The following TMC5 variants were observed in gnomAD, a reference collection of about 807,000 sequenced individuals.
TMC5 encodes transmembrane channel-like protein 5.
A neutral mutation model predicts 110.5 loss-of-function variants in TMC5; 86 were observed. The observed-to-expected ratio is 0.78, with a 90% confidence interval of 0.65 to 0.93. The LOEUF (loss-of-function observed/expected upper bound fraction) is 0.93. TMC5 is among the 40% of genes least tolerant of loss of function. The pLI, the probability that TMC5 is intolerant of heterozygous loss-of-function variation, is 0.00. For synonymous variants in TMC5, 455 were observed against 439.5 expected (o/e 1.04, Z -0.44); for missense variants, 1,144 against 1,222.8 (o/e 0.94, Z 0.96).
chr16:19,429,718 G>T (rs1056476349), intron 1 of TMC5, among the ~76,000 whole-genome samples: 3 of 152,092 alleles, frequency 2.0e-5, no homozygotes, highest in African/African-American at 7.2e-5. Flanking sequence ...GGGAATGAGC[G>T]ATTTCTTCTT....
chr16:19,473,074 A>G (rs1325886966), intron 11 of TMC5, among the ~76,000 whole-genome samples: 2 of 152,004 alleles, frequency 1.3e-5, no homozygotes, highest in African/African-American at 4.8e-5. Context: ...GGCCAGGCAC[A>G]GTGGCTCACG....
At chr16:19,460,994 A>C (rs1285766630) in intron 6 of TMC5, among the ~76,000 whole-genome samples, 2 of 152,286 alleles carry the variant, frequency 1.3e-5, no homozygotes, top group East Asian at 3.9e-4. Context: ...CATCTTTACA[A>C]AAAATGAAAA....
intron 19 of TMC5, among the ~76,000 whole-genome samples, chr16:19,493,707 T>A (rs1974448): frequency 6.6e-6 from 1 of 151,876 alleles, no homozygotes; most frequent in Non-Finnish European, 1.5e-5. Flanking sequence ...GTGATCCACC[T>A]GCCTTGGCCT....
rs1335096293 is a variant in TMC5, at chr16:19,470,221, C to T, written c.1782+396C>T. Reference sequence around the variant, plus strand: ...TTTTTTTTTTTTTAACGGAATCTCACTCCGCCGCCCAGGCTGGAGTGCAGT... The same window carrying T: ...TTTTTTTTTTTTTAACGGAATCTCATTCCGCCGCCCAGGCTGGAGTGCAGT... On this transcript the variant is annotated intron_variant, in intron 10 of 21. Coordinates refer to ENST00000542583, the MANE Select transcript of TMC5 (RefSeq NM_001261841.2). Among the ~76,000 whole-genome samples, 11 of 148,502 alleles carry T rather than the reference C, an allele frequency of 7.4e-5. No individual in the cohort carries two copies. In the East Asian group the frequency reaches 1.6e-3, roughly 22 times the overall value.
upstream of TMC5, among the ~76,000 whole-genome samples, chr16:19,415,749 C>T (rs886074460): frequency 6.6e-6 from 1 of 152,138 alleles, no homozygotes; most frequent in African/African-American, 2.4e-5. Flanking sequence ...TTGGGGCAAA[C>T]CAAACTGTCT....
upstream of TMC5, among the ~76,000 whole-genome samples, chr16:19,413,219 C>T (rs909316027): frequency 1.1e-4 from 16 of 152,056 alleles, no homozygotes; most frequent in Admixed American, 7.9e-4. Context: ...AGGACAAATG[C>T]TGCCTTTAAG....
intron 5 of TMC5, among the ~76,000 whole-genome samples, chr16:19,457,227 A>C (rs1375090708): frequency 6.6e-6 from 1 of 152,104 alleles, no homozygotes; most frequent in Non-Finnish European, 1.5e-5. Context: ...TCATTGCTAC[A>C]AAAAAATTTA....
intron 5 of TMC5, among the ~76,000 whole-genome samples, chr16:19,453,450 A>G (rs560519481): frequency 6.6e-6 from 1 of 152,164 alleles, no homozygotes; most frequent in African/African-American, 2.4e-5. Flanking sequence ...TTAGCTGGGC[A>G]TGGTGGTACA....
intron 5 of TMC5, among the ~76,000 whole-genome samples, chr16:19,457,709 C>CTTTTTTTTTTTTTTTTTTTTTTTT (rs573979829): frequency 2.3e-5 from 1 of 43,906 alleles, no homozygotes; most frequent in Non-Finnish European, 5.3e-5. Flanking sequence ...AGACTACATT[C>CTTTTTTTTTTTTTTTTTTTTTTTT]TTTTTTTTTT....
intron 15 of TMC5, among the ~76,000 whole-genome samples, chr16:19,484,272 G>A (rs1238870929): frequency 2.0e-5 from 3 of 152,120 alleles, no homozygotes; most frequent in Non-Finnish European, 2.9e-5. Context: ...ATTTTTTAGA[G>A]ACAGTGAGGA....
At chr16:19,439,749 G>A (rs1028999726) in intron 2 of TMC5, among the ~76,000 whole-genome samples, 1 of 152,140 alleles carries the variant, frequency 6.6e-6, no homozygotes, top group African/African-American at 2.4e-5. Flanking sequence ...GCACAGCTGG[G>A]AAGTTGTGGG....
Position 19,469,909 on chromosome 16 carries a change from T to G in TMC5, c.1782+84T>G. 12 of 1,490,784 alleles carry G rather than the reference T, an allele frequency of 8.0e-6. No individual in the cohort carries two copies. The South Asian group carries it at 1.5e-4, about 19-fold the overall frequency. 92.3% of individuals were successfully genotyped at this position (1,490,784 alleles called of 1,614,324 possible). A position where few individuals can be genotyped will look rare whatever the true frequency, so the allele number is the denominator to read the frequency against. On this transcript the variant is annotated intron_variant, in intron 10 of 21. Coordinates refer to ENST00000542583, the MANE Select transcript of TMC5 (RefSeq NM_001261841.2). ...TACCTGTAACTTTTCTTTTTTTTTTTTTTGAATTGGAGTCTCACTCTGTCG... is the reference window on the plus strand; with the variant it reads ...TACCTGTAACTTTTCTTTTTTTTTTGTTTGAATTGGAGTCTCACTCTGTCG...
In TMC5 at chr16:19,419,402, G is replaced by GTTTTTTTTTTTTT. The variant is rs55696911; in HGVS notation, c.-308+1326_-308+1338dup. ...AAGCTCAGTGGAAATGAATGTGTTG[G>GTTTTTTTTTTTTT]TTTTTTTTTTTTTTTTTTTTTTTTT... On this transcript the variant is annotated intron_variant, in intron 1 of 21. Coordinates refer to ENST00000542583, the MANE Select transcript of TMC5 (RefSeq NM_001261841.2). Among the ~76,000 whole-genome samples, 13 of 65,650 alleles carry GTTTTTTTTTTTTT rather than the reference G, an allele frequency of 2.0e-4. 1 individual carries two copies. Among genetic ancestry groups the GTTTTTTTTTTTTT allele is most frequent in the Non-Finnish European group, 3.1e-4 (11 of 36,052 alleles). The allele number at this position is 65,650 out of a possible 152,430, so 43.1% of individuals were successfully genotyped here.
At chr16:19,464,849 T>C (rs1459126966) in intron 8 of TMC5, among the ~76,000 whole-genome samples, 2 of 152,200 alleles carry the variant, frequency 1.3e-5, no homozygotes, top group East Asian at 3.9e-4. Context: ...AGACTGTTTT[T>C]TTCTTCCTGT....
intron 4 of TMC5, among the ~76,000 whole-genome samples, chr16:19,445,261 G>A (rs946610572): frequency 1.6e-4 from 23 of 145,434 alleles, no homozygotes; most frequent in Non-Finnish European, 2.4e-4. Context: ...ATTCTAAACA[G>A]TTTTTTTTTT....
intron 9 of TMC5, among the ~76,000 whole-genome samples, chr16:19,468,604 G>A (rs1182833063): frequency 6.6e-6 from 1 of 152,148 alleles, no homozygotes; most frequent in Non-Finnish European, 1.5e-5. Context: ...TTATCCCAGT[G>A]GGCCCAATGG....
chr16:19,432,940 A>G (rs1426426718), intron 2 of TMC5, among the ~76,000 whole-genome samples: 1 of 116,776 alleles, frequency 8.6e-6, no homozygotes, highest in Non-Finnish European at 1.9e-5. Context: ...TAGATCTATT[A>G]TATATGTAGA....
At position 19,472,076 on chromosome 16, in the gene TMC5, TTA is replaced by T. The variant is rs746556679; in HGVS notation, c.1783-10_1783-9del. The T allele has an allele frequency of 2.2e-5, 36 of 1,613,062 alleles. No homozygotes were observed. The Admixed American group carries it at 4.2e-4, about 19-fold the overall frequency. ...ATGCCCAGCCATAAACTTGACTTTC[TTA>T]TGTTTCTAGGAGAACCTGTCAGAGC... On this transcript the variant is annotated splice_polypyrimidine_tract_variant and intron_variant, in intron 10 of 21. Coordinates refer to ENST00000542583, the MANE Select transcript of TMC5 (RefSeq NM_001261841.2).
At chr16:19,477,611 AT>A in intron 13 of TMC5, 93 bp downstream of exon 13, 1 of 850,372 alleles carries the variant, frequency 1.2e-6, no homozygotes, top group Non-Finnish European at 1.9e-6. Flanking sequence ...CACACTCCGT[AT>A]TTGGTATTAA....
Sources: allele counts gnomAD v4.1 joint callset (sites outside exome capture counted in the v4.1 genomes callset), GRCh38; gene constraint gnomAD v4.1.1; transcripts MANE v1.5; gene names NCBI Gene and HGNC (gene_info 2026-07-23, HGNC 2026-07-21).